CXorf66: variants seen among roughly 807,000 people sequenced by gnomAD.
CXorf66 encodes the protein uncharacterized protein CXorf66.
CXorf66 carries 6 observed loss-of-function variants against 5.0 expected under a neutral mutation model. That is an observed-to-expected ratio of 1.20 (90% CI 0.65 to 2.36). The LOEUF (loss-of-function observed/expected upper bound fraction) is 2.36. Ranked by LOEUF, CXorf66 falls within the 30% of genes most tolerant of loss-of-function variation. The probability of loss-of-function intolerance (pLI) is 0.00; values close to 1 mark genes in which losing one functional copy is unlikely to be tolerated. For missense variants in CXorf66, 270 were observed against 254.9 expected, an observed-to-expected ratio of 1.06 and a Z score of -0.40; for synonymous variants, 98 against 102.8, an observed-to-expected ratio of 0.95 and a Z score of 0.28.
Position 139,956,726 on chromosome X carries a change from C to T in CXorf66, c.256G>A (p.Gly86Ser). Residue 86 changes from glycine (G) to serine (S), a missense_variant, in exon 3 of 3, where the codon GGC becomes AGC. By Grantham distance (56) the Gly-to-Ser change is moderately conservative (BLOSUM62 0). Transcript: ENST00000370540. ...GTTTTAGATGACTTGGCTGCTATGC[C>T]TTTTTTCTTGACCCTGAAAGTATAG... ...ASKAGMVKKK[G>S]IAAKSSKTSF... is the part of the protein sequence containing the mutation. 3 of 1,205,423 alleles carry T rather than the reference C, an allele frequency of 2.5e-6. No individual in the cohort carries two copies. The highest frequency in any genetic ancestry group is 3.5e-5 in the African/African-American group (2 of 57,569).
At chrX:139,961,171 G>A (rs1053339531) in intron 1 of CXorf66, among the ~76,000 whole-genome samples, 4 of 111,721 alleles carry the variant, frequency 3.6e-5, no homozygotes, top group African/African-American at 1.3e-4. Context: ...TCAGTATGCT[G>A]TATTCAGGAG....
chrX:139,962,215 A>G (rs1426643415), intron 1 of CXorf66, among the ~76,000 whole-genome samples: 2 of 111,674 alleles, frequency 1.8e-5, no homozygotes, highest in Non-Finnish European at 3.8e-5. Flanking sequence ...AATCAAATAG[A>G]CACAATAAAA....
rs148784517 is a variant in CXorf66, at chrX:139,956,760, G to T, written c.243-21C>A. ...TGACCCTGAAAGTATAGAAAATTTG[G>T]AGTATAATGATTTAAAACAAAAGAG... On this transcript the variant is annotated intron_variant, in intron 2 of 2. Coordinates refer to ENST00000370540, the MANE Select transcript of CXorf66 (RefSeq NM_001013403.3). 6.8e-4 allele frequency: 801 copies of T among 1,180,023 alleles called. 1 individual carries two copies. The African/African-American group carries it at 0.013, about 19-fold the overall frequency.
In CXorf66 at chrX:139,958,003, C is replaced by G. The variant is rs1337981218; in HGVS notation, c.242+61G>C. The stretch of plus-strand genomic sequence containing the variant: ...TTGAGTAACCTGAACAACAATGAAA[C>G]CTCCGCTATATGTACACACACACAC... On this transcript the variant is annotated intron_variant, in intron 2 of 2. Transcript: ENST00000370540. 8.6e-6 allele frequency: 9 copies of G among 1,040,601 alleles called. No individual in the cohort carries two copies. The Admixed American group carries it at 1.5e-4, about 17-fold the overall frequency. 85.8% of individuals were successfully genotyped at this position (1,040,601 alleles called of 1,213,427 possible).
At chrX:139,959,137 C>A (rs1323294002) in intron 1 of CXorf66, among the ~76,000 whole-genome samples, 1 of 111,913 alleles carries the variant, frequency 8.9e-6, no homozygotes, top group African/African-American at 3.2e-5. Flanking sequence ...ATCCGACTCC[C>A]ATGGAGCCCA....
chrX:139,959,611 C>T (rs923928314), intron 1 of CXorf66, among the ~76,000 whole-genome samples: 5 of 112,468 alleles, frequency 4.4e-5, no homozygotes, highest in South Asian at 3.7e-4. Flanking sequence ...GTCCCTGACT[C>T]CCGTGCCTCC....
chrX:139,965,249 T>A (rs1182039381), intron 1 of CXorf66, among the ~76,000 whole-genome samples, 160 bp downstream of exon 1: 2 of 111,701 alleles, frequency 1.8e-5, no homozygotes, highest in South Asian at 3.7e-4. Flanking sequence ...TTAAGTTTTT[T>A]AATATCAGCT....
In CXorf66 at chrX:139,958,045, T is replaced by C; in HGVS notation, c.242+19A>G. On this transcript the variant is annotated intron_variant, in intron 2 of 2. Transcript: ENST00000370540. ...CACACACACACCTCGCACTCTTAAT[T>C]TAAAGGAGTAAAACTTACATTCCTG... 1 of 1,176,726 alleles carries C rather than the reference T, an allele frequency of 8.5e-7. No individual in the cohort carries two copies. Among genetic ancestry groups the C allele is most frequent in the Admixed American group, 2.5e-5 (1 of 40,221 alleles).
chrX:139,962,180 A>G (rs758706245), intron 1 of CXorf66, among the ~76,000 whole-genome samples: 137 of 111,409 alleles, frequency 1.2e-3, no homozygotes, highest in African/African-American at 4.4e-3. Flanking sequence ...CACTAGCCAG[A>G]CTAATAAAGA....
chrX:139,960,109 G>A (rs964149385), intron 1 of CXorf66, among the ~76,000 whole-genome samples: 1 of 110,124 alleles, frequency 9.1e-6, no homozygotes, highest in African/African-American at 3.3e-5. Flanking sequence ...TTCAGAAGAT[G>A]GGTAATAACA....
rs932588542 is a variant in CXorf66 at position 139,961,665 on chromosome X, T to C, written c.89-3448A>G. ...ACTTATTCTAAAACCAACCACGTGA[T>C]TGGAAGTAAAACACTCCTCAGCAAA... On this transcript the variant is annotated intron_variant, in intron 1 of 2. Coordinates refer to ENST00000370540, the MANE Select transcript of CXorf66 (RefSeq NM_001013403.3). Among the ~76,000 whole-genome samples, 5 of 112,029 alleles carry C rather than the reference T, an allele frequency of 4.5e-5. No homozygotes were observed. In the East Asian group the frequency reaches 1.4e-3, roughly 31 times the overall value.
chrX:139,956,200 T>C lies in CXorf66; in HGVS notation c.782A>G (p.Glu261Gly). ...LGRAALLSNS[E>G]LAETCQPYKK... The stretch of plus-strand genomic sequence containing the variant: ...GTAGGGTTGACAAGTTTCAGCTAAT[T>C]CAGAGTTGGATAATAAGGCTGCCCT... The change falls in exon 3 of 3, where the codon GAA becomes GGA. Residue 261 changes from glutamate to glycine, a missense_variant. Transcript: ENST00000370540. The C allele has an allele frequency of 8.3e-7, 1 of 1,211,642 alleles. No individual in the cohort carries two copies. Among genetic ancestry groups the C allele is most frequent in the Non-Finnish European group, 1.1e-6 (1 of 895,289 alleles).
chrX:139,956,890 T>G (rs5955141), intron 2 of CXorf66, 151 bp from the exon 3 acceptor site: 87,273 of 560,330 alleles, frequency 0.16, 10,307 homozygotes, highest in African/African-American at 0.63. Flanking sequence ...GTGACGGCTG[T>G]GTGTGGTGGT....
At chrX:139,963,975 G>A (rs1025440833) in intron 1 of CXorf66, among the ~76,000 whole-genome samples, 4 of 111,804 alleles carry the variant, frequency 3.6e-5, no homozygotes, top group African/African-American at 1.3e-4. Context: ...AGAAAACCTA[G>A]GCAATACCAT....
In CXorf66 at chrX:139,956,732, T is replaced by C. The variant is rs368480480; in HGVS notation, c.250A>G (p.Lys84Glu). 1.1e-5 allele frequency: 13 copies of C among 1,203,301 alleles called. No individual in the cohort carries two copies. The African/African-American group carries it at 2.1e-4, about 20-fold the overall frequency. Residue 84 changes from lysine (K) to glutamate (E), a missense_variant, in exon 3 of 3, where the codon AAA becomes GAA. Transcript: ENST00000370540. ...DDASKAGMVK[K>E]KGIAAKSSKT... ...GATGACTTGGCTGCTATGCCTTTTT[T>C]CTTGACCCTGAAAGTATAGAAAATT...
rs770683612 is a variant in CXorf66 at position 139,956,343 on chromosome X, G to A, written c.639C>T (p.Phe213=). 2.7e-5 allele frequency: 32 copies of A among 1,185,306 alleles called. No homozygotes were observed. Among genetic ancestry groups the A allele is most frequent in the Non-Finnish European group, 3.6e-5 (32 of 886,633 alleles). Residue 213 remains phenylalanine, a synonymous_variant, in exon 3 of 3, where the codon TTC becomes TTT. Transcript: ENST00000370540. ...SDKPVRPPQL[F]KPLYSSHPQN... ...GTGGATGAGATGAATAAAGTGGCTTGAATAGCTGAGGTGGCCTGACTGGCT... is the reference window on the plus strand; with the variant it reads ...GTGGATGAGATGAATAAAGTGGCTTAAATAGCTGAGGTGGCCTGACTGGCT...
Position 139,956,030 on chromosome X carries a change from T to A in CXorf66, c.952A>T (p.Asn318Tyr), listed in dbSNP as rs376640269. The A allele has an allele frequency of 2.5e-6, 3 of 1,209,804 alleles. No homozygotes were observed. The highest frequency in any genetic ancestry group is 3.4e-6 in the Non-Finnish European group (3 of 894,980). Residue 318 changes from asparagine to tyrosine, a missense_variant, in exon 3 of 3, where the codon AAT becomes TAT. Transcript: ENST00000370540. ...RSFRKLDSRN[N>Y]AYGDHVNDSD... ...TCATTCACATGATCACCGTATGCAT[T>A]GTTCCTGGAATCTAACTTACGAAAG...
In CXorf66 at chrX:139,955,871, C is replaced by G; in HGVS notation, c.*25G>C. On this transcript the variant is annotated 3_prime_UTR_variant, in exon 3 of 3. Transcript: ENST00000370540. The stretch of plus-strand genomic sequence containing the variant: ...GTTGGTATAAGTTTGCTCTTTCACA[C>G]TTGGATTTTATTTTTGTTGAGCTCC... 3 of 1,156,261 alleles carry G rather than the reference C, an allele frequency of 2.6e-6. No individual in the cohort carries two copies. Among genetic ancestry groups the G allele is most frequent in the Non-Finnish European group, 2.3e-6 (2 of 869,680 alleles).
intron 1 of CXorf66, among the ~76,000 whole-genome samples, chrX:139,961,315 A>C (rs921216540): frequency 8.9e-6 from 1 of 111,824 alleles, no homozygotes; most frequent in Non-Finnish European, 1.9e-5. Flanking sequence ...AAACCAACAA[A>C]GATCAAAAAA....
Sources: allele counts gnomAD v4.1 joint callset (sites outside exome capture counted in the v4.1 genomes callset), GRCh38; gene constraint gnomAD v4.1.1; transcripts MANE v1.5; gene names NCBI Gene and HGNC (gene_info 2026-07-23, HGNC 2026-07-21).